The following ZNF532 variants were observed in gnomAD, a reference collection of about 807,000 sequenced individuals.
ZNF532 encodes zinc finger protein 532.
ZNF532 carries 22 observed loss-of-function variants against 89.3 expected under a neutral mutation model. The observed-to-expected ratio is 0.25, with a 90% CI of 0.18 to 0.35. ZNF532 has a LOEUF of 0.35. Among genes scored for constraint, ZNF532 ranks in the 10% least tolerant of loss-of-function variants. The pLI, the probability that ZNF532 is intolerant of heterozygous loss-of-function variation, is 1.00. For missense variants in ZNF532, 1,132 were observed against 1,643.4 expected (o/e 0.69, Z 5.38); for synonymous variants, 606 against 649.6 (o/e 0.93, Z 1.02).
At chr18:58,949,027 GTTTC>G (rs1244038241) in intron 6 of ZNF532, among the ~76,000 whole-genome samples, 1 of 150,344 alleles carries the variant, frequency 6.7e-6, no homozygotes, top group African/African-American at 2.4e-5. Context: ...AAACCTTTTA[GTTTC>G]TTTTTTTTTT....
At chr18:58,913,129 GT>G (rs57271422) in intron 2 of ZNF532, among the ~76,000 whole-genome samples, 2,745 of 152,064 alleles carry the variant, frequency 0.018, 92 homozygotes, top group African/African-American at 0.062. Flanking sequence ...AAGAGAGAAG[GT>G]TTTTTTTCTT....
chr18:58,939,246 C>CAAAAAAA lies in ZNF532; in HGVS notation c.2529-176_2529-170dup, dbSNP rs71336307. Reference sequence around the variant, plus strand: ...TGGGCGACAGAGCGAGACGTTGTCTCAAAAAAAAAAAAAAAAAAAAAAAAA... The same window carrying CAAAAAAA: ...TGGGCGACAGAGCGAGACGTTGTCTCAAAAAAAAAAAAAAAAAAAAAAAAAAAAAAAA... On this transcript the variant is annotated intron_variant, in intron 4 of 9. Transcript: ENST00000591808. Among the ~76,000 whole-genome samples, 30 of 34,510 alleles carry CAAAAAAA rather than the reference C, an allele frequency of 8.7e-4. 1 individual carries two copies. The highest frequency in any genetic ancestry group is 1.7e-3 in the East Asian group (4 of 2,388). The allele number at this position is 34,510 out of a possible 152,430, so 22.6% of individuals were successfully genotyped here. A position where few individuals can be genotyped will look rare whatever the true frequency, so the allele number is the denominator to read the frequency against.
At chr18:58,882,084 C>T (rs964552130) in intron 2 of ZNF532, among the ~76,000 whole-genome samples, 5 of 152,074 alleles carry the variant, frequency 3.3e-5, no homozygotes, top group Non-Finnish European at 7.4e-5. Context: ...CAGCCTCCTG[C>T]GTAGCTTGGG....
At chr18:58,908,114 A>G (rs183394742) in intron 2 of ZNF532, among the ~76,000 whole-genome samples, 160 of 152,338 alleles carry the variant, frequency 1.1e-3, no homozygotes, top group Middle Eastern at 6.8e-3. Flanking sequence ...AATTATGACA[A>G]GGCTCCCTCT....
At chr18:58,981,232 T>C (rs965154650) in intron 8 of ZNF532, 6 of 505,384 alleles carry the variant, frequency 1.2e-5, no homozygotes, top group African/African-American at 3.9e-5. Flanking sequence ...TACTGAGTCA[T>C]TGTGAAAACT....
chr18:58,950,985 C>T (rs1222679193), intron 6 of ZNF532, among the ~76,000 whole-genome samples: 1 of 149,986 alleles, frequency 6.7e-6, no homozygotes, highest in Non-Finnish European at 1.5e-5. Flanking sequence ...GAGATAAGGT[C>T]TCACTCTGTT....
intron 7 of ZNF532, among the ~76,000 whole-genome samples, chr18:58,974,724 C>G (rs935923575): frequency 6.6e-6 from 1 of 152,208 alleles, no homozygotes; most frequent in African/African-American, 2.4e-5. Flanking sequence ...TGGGTCACAT[C>G]CATCCACAGC....
At chr18:58,956,049 CTT>C (rs1013135294) in intron 7 of ZNF532, among the ~76,000 whole-genome samples, 2 of 152,158 alleles carry the variant, frequency 1.3e-5, no homozygotes, top group African/African-American at 4.8e-5. Context: ...TATCAGAACT[CTT>C]TTCCTTTTTT....
chr18:58,916,668 G>A (rs908924064), intron 2 of ZNF532: 12 of 983,434 alleles, frequency 1.2e-5, no homozygotes, highest in South Asian at 9.4e-5. Flanking sequence ...TGTTGATTTC[G>A]CCTTCAACAG....
At chr18:58,965,921 A>G (rs2065875609) in intron 7 of ZNF532, among the ~76,000 whole-genome samples, 1 of 152,130 alleles carries the variant, frequency 6.6e-6, no homozygotes. Context: ...CACAAGAGAG[A>G]GGCCCTTTCT....
Position 58,934,467 on chromosome 18 carries a change from A to C in ZNF532, c.2381A>C (p.Asn794Thr), listed in dbSNP as rs763570890. Residue 794 changes from asparagine (N) to threonine (T), a missense_variant, in exon 4 of 10, where the codon AAC (asparagine) becomes ACC (threonine). Around this residue, in one of 9 missense-constraint regions of ZNF532, gnomAD observed 100 missense variants for 122.0 expected, o/e 0.82. Transcript: ENST00000591808. ...TCTICQMLLPNQCSYASHQRI... is the reference protein window; with the variant it reads ...TCTICQMLLPTQCSYASHQRI... ...ACTATCTGCCAGATGCTGCTTCCTA[A>C]CCAGTGCAGTTATGCATCACACCAG... 4 of 1,613,988 alleles carry C rather than the reference A, an allele frequency of 2.5e-6. No individual in the cohort carries two copies. Among genetic ancestry groups the C allele is most frequent in the Non-Finnish European group, 3.4e-6 (4 of 1,179,902 alleles).
chr18:58,958,620 C>T (rs982647885), intron 7 of ZNF532, among the ~76,000 whole-genome samples: 1 of 152,144 alleles, frequency 6.6e-6, no homozygotes, highest in Admixed American at 6.6e-5. Flanking sequence ...TCTCTGGAGT[C>T]CCTGATTGAA....
intron 3 of ZNF532, among the ~76,000 whole-genome samples, chr18:58,924,844 T>G (rs188796506): frequency 2.4e-3 from 367 of 152,338 alleles, no homozygotes; most frequent in Middle Eastern, 6.8e-3. Flanking sequence ...CTATAATTTT[T>G]TCATTTCAGG....
chr18:58,916,457 G>C (rs2060607792), intron 2 of ZNF532, among the ~76,000 whole-genome samples: 1 of 152,076 alleles, frequency 6.6e-6, no homozygotes, highest in African/African-American at 2.4e-5. Context: ...TTTTGCATCG[G>C]TGGTAGCTTG....
At position 58,896,462 on chromosome 18, in the gene ZNF532, T is replaced by A. The variant is rs528481222; in HGVS notation, c.-17-21809T>A. 7 of 152,168 alleles carry A rather than the reference T, an allele frequency of 4.6e-5. No individual in the cohort carries two copies. The East Asian group carries it at 1.4e-3, about 30-fold the overall frequency. 9.4% of individuals were successfully genotyped at this position (152,168 alleles called of 1,614,324 possible). ...AGTGCAGCAGTTTTTATCTGGCCAATCTACTGTGACCCAGTCAAGCCACCA... is the reference window on the plus strand; with the variant it reads ...AGTGCAGCAGTTTTTATCTGGCCAAACTACTGTGACCCAGTCAAGCCACCA... On this transcript the variant is annotated intron_variant, in intron 2 of 9. Transcript: ENST00000591808.
chr18:58,983,275 G>A (rs1214068717), intron 9 of ZNF532, among the ~76,000 whole-genome samples: 1 of 152,176 alleles, frequency 6.6e-6, no homozygotes, highest in Non-Finnish European at 1.5e-5. Context: ...AGCAGACGCA[G>A]TAGGGGAAAT....
At chr18:58,873,974 G>A (rs1004856922) in intron 2 of ZNF532, among the ~76,000 whole-genome samples, 5 of 150,588 alleles carry the variant, frequency 3.3e-5, no homozygotes, top group South Asian at 2.1e-4. Context: ...GGGTTGTTAG[G>A]AGGATTAAAT....
At position 58,984,352 on chromosome 18, in the gene ZNF532, A is replaced by G; in HGVS notation, c.3792A>G (p.Arg1264=). Residue 1264 remains arginine, a synonymous_variant, in exon 10 of 10, where the codon AGA becomes AGG. Coordinates refer to ENST00000591808, the MANE Select transcript of ZNF532 (RefSeq NM_001375912.1). The part of the protein sequence containing the change: ...DESPDGAVSD[R]KCKVCAKTFE... ...CCCCTGATGGCGCCGTGTCAGACAG[A>G]AAGTGCAAAGTGTGCGCAAAAACTT... 2.5e-6 allele frequency: 4 copies of G among 1,612,016 alleles called. No homozygotes were observed. The highest frequency in any genetic ancestry group is 3.4e-6 in the Non-Finnish European group (4 of 1,179,856).
chr18:58,951,920 A>G (rs928082316), intron 6 of ZNF532, among the ~76,000 whole-genome samples: 14 of 152,078 alleles, frequency 9.2e-5, no homozygotes, highest in African/African-American at 2.2e-4. Flanking sequence ...AAGTGCTGGG[A>G]TTACAGGCGT....
Sources: allele counts gnomAD v4.1 joint callset (sites outside exome capture counted in the v4.1 genomes callset), GRCh38; gene constraint gnomAD v4.1.1; regional missense constraint gnomAD v4.1.1; transcripts MANE v1.5; gene names NCBI Gene and HGNC (gene_info 2026-07-23, HGNC 2026-07-21).